CREBBP: variants seen among roughly 807,000 people sequenced by gnomAD.
The protein encoded by CREBBP is CREB-binding protein.
Under a neutral mutation model 265.0 loss-of-function variants are expected in CREBBP, and 19 were observed. That is an observed-to-expected ratio of 0.07 (90% CI 0.05 to 0.11). CREBBP has a LOEUF of 0.11. Ranked by LOEUF, CREBBP falls within the 10% of genes least tolerant of loss-of-function variation. The pLI is 1.00. For missense variants in CREBBP, 2,525 were observed against 3,219.0 expected (o/e 0.78, Z 5.22); for synonymous variants, 1,457 against 1,223.7 (o/e 1.19, Z -3.98).
chr16:3,859,479 C>A (rs1380032082), intron 1 of CREBBP, among the ~76,000 whole-genome samples: 1 of 152,194 alleles, frequency 6.6e-6, no homozygotes. Context: ...TAGGTGTGAG[C>A]CACCACACCC....
chr16:3,811,772 G>A (rs576387704), intron 2 of CREBBP, among the ~76,000 whole-genome samples: 2 of 152,276 alleles, frequency 1.3e-5, no homozygotes, highest in South Asian at 4.1e-4. Context: ...CGGATTACAG[G>A]CATGAGCCAC....
chr16:3,727,754 C>G lies in CREBBP; in HGVS notation c.7293G>C (p.Thr2431=), dbSNP rs587783514. 1.2e-6 allele frequency: 2 copies of G among 1,614,144 alleles called. No homozygotes were observed. The highest frequency in any genetic ancestry group is 1.1e-5 in the South Asian group (1 of 91,074). Residue 2431 remains threonine, a synonymous_variant, in exon 31 of 31, where the codon ACG becomes ACC. Transcript: ENST00000262367. Reference sequence around the variant, plus strand: ...CCACAAACTTCTCTAGCGTGTCCCCCGTGGTGTCCCCGACCAGGGACAGTT... The same window carrying G: ...CCACAAACTTCTCTAGCGTGTCCCCGGTGGTGTCCCCGACCAGGGACAGTT... ...SSELSLVGDT[T]GDTLEKFVEG... is the part of the protein sequence containing the mutation.
intron 2 of CREBBP, among the ~76,000 whole-genome samples, chr16:3,835,595 T>TG (rs1376053261): frequency 1.3e-5 from 2 of 149,950 alleles, no homozygotes; most frequent in Admixed American, 1.3e-4. Flanking sequence ...TTTTTTTTTT[T>TG]TTGAGACGGA....
At chr16:3,793,294 C>T (rs370141062) in intron 4 of CREBBP, 92 bp downstream of exon 4, 25 of 1,570,086 alleles carry the variant, frequency 1.6e-5, no homozygotes, top group Admixed American at 8.4e-5. Flanking sequence ...CTCAGGCTGC[C>T]GGAGCCTTAT....
At chr16:3,732,753 T>C (rs1039148363) in intron 28 of CREBBP, among the ~76,000 whole-genome samples, 1 of 151,780 alleles carries the variant, frequency 6.6e-6, no homozygotes, top group African/African-American at 2.4e-5. Context: ...CAAGCTGAAG[T>C]GCAATAACGC....
rs2051923426 is a variant in CREBBP at position 3,731,757 on chromosome 16, C to G, written c.4890+19G>C. Reference sequence around the variant, plus strand: ...CTCCCGGCCAGAGGCACGGCTGCAGCACCGCAGCCCACGCCTACCTCCTTG... The same window carrying G: ...CTCCCGGCCAGAGGCACGGCTGCAGGACCGCAGCCCACGCCTACCTCCTTG... On this transcript the variant is annotated intron_variant, in intron 29 of 30. Coordinates refer to ENST00000262367, the MANE Select transcript of CREBBP (RefSeq NM_004380.3). This position sits in a 1 kb window ranked among gnomAD's most constrained non-coding sequence, Gnocchi z 7.7. The G allele has an allele frequency of 1.2e-6, 2 of 1,613,848 alleles. No homozygotes were observed. The highest frequency in any genetic ancestry group is 1.7e-6 in the Non-Finnish European group (2 of 1,179,848).
chr16:3,753,233 G>A (rs577278706), intron 19 of CREBBP, among the ~76,000 whole-genome samples: 62 of 152,320 alleles, frequency 4.1e-4, no homozygotes, highest in Non-Finnish European at 7.1e-4. Context: ...GTGGGCCACC[G>A]TGTGGCCAGT....
rs988744134 is a variant in CREBBP, at chr16:3,770,645, C to T, written c.2805G>A (p.Gln935=). Residue 935 remains glutamine (Q), a synonymous_variant, in exon 14 of 31, where the codon CAG becomes CAA. Coordinates refer to ENST00000262367, the MANE Select transcript of CREBBP (RefSeq NM_004380.3). ...QVTPQPQTPV[Q]PPSVATPQSS... ...ACTGAGGGGTAGCCACAGACGGGGG[C>T]TGAACTGGGGTTTGAGGCTGCGGGG... The T allele has an allele frequency of 3.7e-6, 6 of 1,613,946 alleles. No homozygotes were observed. The South Asian group carries it at 4.4e-5, about 12-fold the overall frequency.
intron 1 of CREBBP, among the ~76,000 whole-genome samples, chr16:3,854,200 C>A (rs1428155541): frequency 1.3e-5 from 2 of 152,156 alleles, no homozygotes; most frequent in Non-Finnish European, 2.9e-5. Context: ...GTGACACAAT[C>A]TCAGCTAAGG....
At position 3,850,399 on chromosome 16, in the gene CREBBP, C is replaced by G. The variant is rs2054805834; in HGVS notation, c.696G>C (p.Gln232His). The change falls in exon 2 of 31, where the codon CAG becomes CAC. Residue 232 changes from glutamine (Q) to histidine (H), a missense_variant. Physicochemically the swap from Gln to His is conservative, Grantham distance 24 (BLOSUM62 0). Around this residue, in one of 19 missense-constraint regions of CREBBP, gnomAD observed 356 missense variants for 340.4 expected, o/e 1.05. Coordinates refer to ENST00000262367, the MANE Select transcript of CREBBP (RefSeq NM_004380.3). The stretch of plus-strand genomic sequence containing the variant: ...CAGCCAGCACGCTGCTCGAGGCGCC[C>G]TGCATGGCTGGAGTAGGGTACGGCA... ...AGMPYPTPAM[Q>H]GASSSVLAET... is the part of the protein sequence containing the mutation. 1.2e-6 allele frequency: 2 copies of G among 1,614,140 alleles called. No homozygotes were observed. Among genetic ancestry groups the G allele is most frequent in the African/African-American group, 1.3e-5 (1 of 74,948 alleles).
At chr16:3,761,105 C>T (rs2052707236) in intron 16 of CREBBP, among the ~76,000 whole-genome samples, 1 of 152,102 alleles carries the variant, frequency 6.6e-6, no homozygotes, top group Non-Finnish European at 1.5e-5. Context: ...CAGGCATGCA[C>T]CACCACACCC....
chr16:3,843,253 C>T (rs1484073435), intron 2 of CREBBP, among the ~76,000 whole-genome samples: 1 of 152,128 alleles, frequency 6.6e-6, no homozygotes, highest in East Asian at 1.9e-4. Flanking sequence ...TGTGACTTGC[C>T]TACCTCCTAT....
At chr16:3,811,124 G>A (rs2053931238) in intron 2 of CREBBP, among the ~76,000 whole-genome samples, 1 of 152,088 alleles carries the variant, frequency 6.6e-6, no homozygotes, top group Admixed American at 6.6e-5. Context: ...AATTCTTTCA[G>A]TTTAATCCTT....
chr16:3,750,138 C>A (rs1473329567), intron 20 of CREBBP, among the ~76,000 whole-genome samples: 1 of 152,104 alleles, frequency 6.6e-6, no homozygotes, highest in Non-Finnish European at 1.5e-5. Flanking sequence ...GTAGCTGGGA[C>A]TACAGGTACA....
chr16:3,767,985 A>T, intron 15 of CREBBP, 76 bp from the exon 16 acceptor site: 1 of 1,416,464 alleles, frequency 7.1e-7, no homozygotes, highest in South Asian at 1.2e-5. Context: ...GAAGACTCTT[A>T]CAAGCCTAAA....
At chr16:3,851,306 T>TAAAAAAAAAAAAAAAAAAAAAA (rs1160251196) in intron 1 of CREBBP, among the ~76,000 whole-genome samples, 1 of 76,502 alleles carries the variant, frequency 1.3e-5, no homozygotes, top group Non-Finnish European at 3.0e-5. Flanking sequence ...AAAAAAAAAT[T>TAAAAAAAAAAAAAAAAAAAAAA]AAAAAAAAAA....
chr16:3,825,885 A>G (rs2054227491), intron 2 of CREBBP, among the ~76,000 whole-genome samples: 6 of 152,376 alleles, frequency 3.9e-5, no homozygotes, highest in Admixed American at 3.3e-4. Flanking sequence ...GTTAGAATAA[A>G]TGAATCAAAT....
chr16:3,729,066 T>G lies in CREBBP; in HGVS notation c.5981A>C (p.Gln1994Pro). Residue 1994 changes from glutamine to proline, a missense_variant, in exon 31 of 31, where the codon CAG becomes CCG. This residue lies in a region of CREBBP where 275 missense variants were observed against 276.5 expected (regional missense o/e 0.99). Coordinates refer to ENST00000262367, the MANE Select transcript of CREBBP (RefSeq NM_004380.3). ...CACATTCAGGCTCACGGGGGCCATC[T>G]GGCTCCCCGGGGTCCCCATGCCCGT... ...GRTGMGTPGS[Q>P]MAPVSLNVPR... 6.3e-7 allele frequency: 1 copy of G among 1,584,568 alleles called. No homozygotes were observed. The highest frequency in any genetic ancestry group is 1.1e-5 in the South Asian group (1 of 88,560).
chr16:3,768,186 C>T (rs2052911647), intron 15 of CREBBP, among the ~76,000 whole-genome samples: 1 of 108,276 alleles, frequency 9.2e-6, no homozygotes, highest in Non-Finnish European at 1.7e-5. Context: ...GAGTCTAACA[C>T]CCAGGCTGGA....
Sources: gnomAD v4.1 joint callset for allele counts (sites outside exome capture counted in the v4.1 genomes callset) on GRCh38, gnomAD v4.1.1 for gene constraint, gnomAD v4.1.1 regional missense constraint, Gnocchi (gnomAD v3.1) non-coding constraint, MANE v1.5 for transcripts, NCBI Gene and HGNC (gene_info 2026-07-23, HGNC 2026-07-21) for gene names.